Variants in OSBPL6 observed in about 807,000 individuals in gnomAD.
OSBPL6 encodes the protein oxysterol binding protein like 6, also known as oxysterol-binding protein-related protein 6.
OSBPL6 carries 49 observed loss-of-function variants against 125.8 expected under a neutral mutation model. The observed-to-expected ratio is 0.39, with a 90% confidence interval of 0.31 to 0.49. The LOEUF (loss-of-function observed/expected upper bound fraction) is 0.49. Among genes scored for constraint, OSBPL6 ranks in the 20% least tolerant of loss-of-function variants. OSBPL6 has a pLI of 0.88. For missense variants in OSBPL6, 986 were observed against 1,135.4 expected (o/e 0.87, Z 1.89); for synonymous variants, 394 against 391.8 (o/e 1.01, Z -0.07).
At chr2:178,365,201 T>C (rs1692717383) in intron 13 of OSBPL6, among the ~76,000 whole-genome samples, 1 of 152,018 alleles carries the variant, frequency 6.6e-6, no homozygotes, top group Admixed American at 6.6e-5. Flanking sequence ...AAAAAACTTA[T>C]TTAAGTAGTC....
At chr2:178,380,889 A>G (rs942733348) in intron 15 of OSBPL6, among the ~76,000 whole-genome samples, 1 of 152,180 alleles carries the variant, frequency 6.6e-6, no homozygotes, top group African/African-American at 2.4e-5. Flanking sequence ...ATGTAAACTG[A>G]TCTCCTTTTT....
chr2:178,330,168 A>G (rs1327629505), intron 5 of OSBPL6, among the ~76,000 whole-genome samples: 1 of 152,104 alleles, frequency 6.6e-6, no homozygotes, highest in Non-Finnish European at 1.5e-5. Context: ...CTCTTTCCTT[A>G]TGATATGCTA....
At chr2:178,301,983 C>A (rs1451420057) in intron 2 of OSBPL6, among the ~76,000 whole-genome samples, 1 of 152,194 alleles carries the variant, frequency 6.6e-6, no homozygotes. Flanking sequence ...GTGAGAAAGA[C>A]ATTTGGGGCT....
In OSBPL6 at chr2:178,389,646, CA is replaced by C. The variant is rs376186660; in HGVS notation, c.2301+494del. ...ACTGTTATAATTCAAATAAGTTCAA[CA>C]GGAAAAATTAGCCTCATTAACAAGA... On this transcript the variant is annotated intron_variant, in intron 21 of 24. Coordinates refer to ENST00000190611, the MANE Select transcript of OSBPL6 (RefSeq NM_032523.4). 2.3e-3 allele frequency among the ~76,000 whole-genome samples: 355 copies of C among 152,300 alleles called. 2 individuals carry two copies. The highest frequency in any genetic ancestry group is 0.01 in the Middle Eastern group (3 of 294).
At chr2:178,287,151 A>T (rs199885120) in intron 2 of OSBPL6, among the ~76,000 whole-genome samples, 56,150 of 117,256 alleles carry the variant, frequency 0.48, 10,823 homozygotes, top group African/African-American at 0.54. Context: ...TCTTTTTTTA[A>T]AAAAAAAAAA....
rs1690032739 is a variant in OSBPL6 at position 178,339,712 on chromosome 2, C to T, written c.935C>T (p.Thr312Ile). Residue 312 changes from threonine (T) to isoleucine (I), a missense_variant, in exon 11 of 25, where the codon ACA (threonine) becomes ATA (isoleucine). Around this residue, in one of 3 missense-constraint regions of OSBPL6, gnomAD observed 843 missense variants for 997.3 expected, o/e 0.85. Coordinates refer to ENST00000190611, the MANE Select transcript of OSBPL6 (RefSeq NM_032523.4). The stretch of plus-strand genomic sequence containing the variant: ...ATTTCAAAGAAAGACAAGCGGGTCA[C>T]AAGACGATGGAGAACAAAAAGTGTC... ...VDISKKDKRV[T>I]RRWRTKSVSK... 1 of 1,605,164 alleles carries T rather than the reference C, an allele frequency of 6.2e-7. No individual in the cohort carries two copies. The highest frequency in any genetic ancestry group is 1.7e-5 in the Admixed American group (1 of 58,564).
chr2:178,268,408 A>G (rs2092299361), intron 1 of OSBPL6, among the ~76,000 whole-genome samples: 1 of 151,840 alleles, frequency 6.6e-6, no homozygotes, highest in Admixed American at 6.6e-5. Flanking sequence ...AAAAGGTGTA[A>G]TTATAGTAAA....
intron 2 of OSBPL6, among the ~76,000 whole-genome samples, chr2:178,303,450 T>A (rs776218365): frequency 1.3e-5 from 2 of 152,180 alleles, no homozygotes; most frequent in Admixed American, 6.5e-5. Context: ...AAATCCTGAA[T>A]AACACATTCA....
chr2:178,224,346 T>C (rs111878275), intron 1 of OSBPL6, among the ~76,000 whole-genome samples: 1,777 of 152,160 alleles, frequency 0.012, 19 homozygotes, highest in Non-Finnish European at 0.017. Context: ...TGAAAAGTTA[T>C]GTTTAGAAAA....
At chr2:178,375,843 A>G (rs1693830375) in intron 15 of OSBPL6, among the ~76,000 whole-genome samples, 1 of 152,164 alleles carries the variant, frequency 6.6e-6, no homozygotes, top group Admixed American at 6.5e-5. Context: ...TCCCTGGGGC[A>G]CACCCCAGCT....
In OSBPL6 at chr2:178,324,179, T is replaced by G; in HGVS notation, c.105T>G (p.Ser35Arg). ...STSSQRDSRQ[S>R]IHILERTASS... is the part of the protein sequence containing the mutation. ...GCTATGTTTTCATTTATTTTCAGAG[T>G]ATTCACATACTGGAGAGGACTGCTT... The change falls in exon 4 of 25, where the codon AGT becomes AGG. Residue 35 changes from serine to arginine, a missense_variant and splice_region_variant. Ser to Arg is a moderately radical substitution (Grantham distance 110). This residue lies in a region of OSBPL6 where 130 missense variants were observed against 106.4 expected (regional missense o/e 1.22). Transcript: ENST00000190611. The G allele has an allele frequency of 8.5e-6, 13 of 1,528,110 alleles. No homozygotes were observed. Among genetic ancestry groups the G allele is most frequent in the Non-Finnish European group, 1.2e-5 (13 of 1,118,960 alleles). The allele number at this position is 1,528,110 out of a possible 1,614,324, so 94.7% of individuals were successfully genotyped here. A position where few individuals can be genotyped will look rare whatever the true frequency, so the allele number is the denominator to read the frequency against.
intron 1 of OSBPL6, among the ~76,000 whole-genome samples, chr2:178,211,622 G>T (rs2089866875): frequency 6.6e-6 from 1 of 152,096 alleles, no homozygotes; most frequent in East Asian, 1.9e-4. Flanking sequence ...GCCCTGCCAG[G>T]GCTGGAGTCT....
intron 1 of OSBPL6, among the ~76,000 whole-genome samples, chr2:178,204,618 TG>T (rs1323816935): frequency 6.6e-6 from 1 of 152,258 alleles, no homozygotes; most frequent in Non-Finnish European, 1.5e-5. Context: ...GTCCACTTCT[TG>T]GTTGTCTCCA....
At chr2:178,330,384 G>T (rs938770635) in intron 5 of OSBPL6, among the ~76,000 whole-genome samples, 8 of 152,152 alleles carry the variant, frequency 5.3e-5, no homozygotes, top group African/African-American at 1.9e-4. Context: ...GGCCTGCTTT[G>T]CATTGTTGTC....
chr2:178,306,151 C>A lies in OSBPL6; in HGVS notation c.-34C>A. ...GGATTTGAGAGAAGATTGGGATGGT[C>A]TTAAGTGCATAAAACGAGACTCTAA... On this transcript the variant is annotated 5_prime_UTR_variant, in exon 3 of 25. Transcript: ENST00000190611. 7.6e-7 allele frequency: 1 copy of A among 1,320,320 alleles called. No homozygotes were observed. Among genetic ancestry groups the A allele is most frequent in the South Asian group, 1.2e-5 (1 of 84,792 alleles). 81.8% of individuals were successfully genotyped at this position (1,320,320 alleles called of 1,614,324 possible).
Position 178,392,454 on chromosome 2 carries a change from G to A in OSBPL6, c.2489G>A (p.Arg830Lys). The change falls in exon 23 of 25, where the codon AGG becomes AAG. Residue 830 changes from arginine to lysine, a missense_variant. Around this residue, in one of 3 missense-constraint regions of OSBPL6, gnomAD observed 843 missense variants for 997.3 expected, o/e 0.85. Coordinates refer to ENST00000190611, the MANE Select transcript of OSBPL6 (RefSeq NM_032523.4). ...TNYELYYGFT[R>K]FAIELNELDP... Reference sequence around the variant, plus strand: ...TATGAGCTGTACTATGGCTTCACAAGGTTTGCTATTGAGCTCAATGAGTTA... The same window carrying A: ...TATGAGCTGTACTATGGCTTCACAAAGTTTGCTATTGAGCTCAATGAGTTA... 6.2e-7 allele frequency: 1 copy of A among 1,614,056 alleles called. No individual in the cohort carries two copies. The highest frequency in any genetic ancestry group is 8.5e-7 in the Non-Finnish European group (1 of 1,179,966).
At chr2:178,319,185 C>G (rs1018385661) in intron 3 of OSBPL6, among the ~76,000 whole-genome samples, 1 of 152,146 alleles carries the variant, frequency 6.6e-6, no homozygotes, top group Non-Finnish European at 1.5e-5. Flanking sequence ...CTGACTTGCT[C>G]TCAGTTCTGG....
At chr2:178,313,263 A>C (rs1553551238) in intron 3 of OSBPL6, among the ~76,000 whole-genome samples, 1 of 152,226 alleles carries the variant, frequency 6.6e-6, no homozygotes, top group Non-Finnish European at 1.5e-5. Context: ...TAGTTCTGGG[A>C]TTATGCCCAA....
chr2:178,244,897 C>T lies in OSBPL6; in HGVS notation c.-350-40030C>T, dbSNP rs542989842. Among the ~76,000 whole-genome samples, 7 of 152,254 alleles carry T rather than the reference C, an allele frequency of 4.6e-5. No homozygotes were observed. The South Asian group carries it at 1.5e-3, about 32-fold the overall frequency. ...TATTTTCTCCACATGTGTTACTTTC[C>T]CCCAACAATGTGCTAAGTTACAGAT... On this transcript the variant is annotated intron_variant, in intron 1 of 24. Coordinates refer to ENST00000190611, the MANE Select transcript of OSBPL6 (RefSeq NM_032523.4).
Sources: gnomAD v4.1 joint callset for allele counts (sites outside exome capture counted in the v4.1 genomes callset) on GRCh38, gnomAD v4.1.1 for gene constraint, gnomAD v4.1.1 regional missense constraint, MANE v1.5 for transcripts, NCBI Gene and HGNC (gene_info 2026-07-23, HGNC 2026-07-21) for gene names.